The following PTCH1 variants were observed in gnomAD, a reference collection of about 807,000 sequenced individuals.
PTCH1 encodes the protein patched 1, also known as protein patched homolog 1.
A neutral mutation model predicts 144.6 loss-of-function variants in PTCH1; 14 were observed. That is an observed-to-expected ratio of 0.10 (90% CI 0.06 to 0.15). PTCH1 has a LOEUF of 0.15. Among genes scored for constraint, PTCH1 ranks in the 10% least tolerant of loss-of-function variants. The pLI is 1.00. For synonymous variants in PTCH1, 833 were observed against 793.6 expected (o/e 1.05, Z -0.83); for missense variants, 1,623 against 1,948.3 (o/e 0.83, Z 3.14).
chr9:95,463,057 C>T (rs1170184344), intron 15 of PTCH1, among the ~76,000 whole-genome samples: 1 of 151,294 alleles, frequency 6.6e-6, no homozygotes, highest in Non-Finnish European at 1.5e-5. Context: ...CCCAGCAGCT[C>T]AGGAAACCAC....
rs1434365334 is a variant in PTCH1 at position 95,478,048 on chromosome 9, G to A, written c.1347+7C>T. The A allele has an allele frequency of 1.2e-6, 2 of 1,614,184 alleles. No homozygotes were observed. The highest frequency in any genetic ancestry group is 2.2e-5 in the South Asian group (2 of 91,082). ...CCAGCCCCCAGGAGCATGGCATCGA[G>A]CGTTACCATGAGTAAGTAGCCGCTG... is the stretch of plus-strand genomic sequence containing the variant. On this transcript the variant is annotated splice_region_variant and intron_variant, in intron 9 of 23. Coordinates refer to ENST00000331920, the MANE Select transcript of PTCH1 (RefSeq NM_000264.5).
intron 17 of PTCH1, among the ~76,000 whole-genome samples, chr9:95,459,069 C>T (rs1839222627): frequency 6.6e-6 from 1 of 152,074 alleles, no homozygotes; most frequent in South Asian, 2.1e-4. Context: ...AAATGAAATC[C>T]ACACAGAACC....
rs863224345 is a variant in PTCH1, at chr9:95,478,154, A to G, written c.1248T>C (p.Thr416=). ...VVHQSVAQNS[T]QKVLSFTTTT... ...TGGTGGTGAAGGAAAGCACCTTTTG[A>G]GTGGAGTTCTGTGCGACACTCTGAT... Residue 416 remains threonine (T), a synonymous_variant, in exon 9 of 24, where the codon ACT becomes ACC. Transcript: ENST00000331920. 1 of 1,614,174 alleles carries G rather than the reference A, an allele frequency of 6.2e-7. No individual in the cohort carries two copies. Among genetic ancestry groups the G allele is most frequent in the Non-Finnish European group, 8.5e-7 (1 of 1,180,034 alleles).
At position 95,507,167 on chromosome 9, in the gene PTCH1, C is replaced by T. The variant is rs113810751; in HGVS notation, c.202-568G>A. The stretch of plus-strand genomic sequence containing the variant: ...CCGGAGTTCACTCCCGACGCATTTC[C>T]ATAGCGTGGGGAGAGGCTGTGTGAG... On this transcript the variant is annotated intron_variant, in intron 1 of 23. Coordinates refer to ENST00000331920, the MANE Select transcript of PTCH1 (RefSeq NM_000264.5). 3,656 of 985,524 alleles carry T rather than the reference C, an allele frequency of 3.7e-3. 8 individuals carry two copies. The highest frequency in any genetic ancestry group is 0.019 in the Middle Eastern group (36 of 1,918). 61.0% of individuals were successfully genotyped at this position (985,524 alleles called of 1,614,324 possible). A position where few individuals can be genotyped will look rare whatever the true frequency, so the allele number is the denominator to read the frequency against.
chr9:95,511,023 T>G (rs145965565), upstream of PTCH1, among the ~76,000 whole-genome samples: 10,318 of 149,612 alleles, frequency 0.069, 457 homozygotes, highest in Non-Finnish European at 0.097. Flanking sequence ...CGTAGTACAT[T>G]CCTGAAGGCG....
chr9:95,494,256 G>A (rs1194541077), intron 2 of PTCH1: 5 of 985,524 alleles, frequency 5.1e-6, no homozygotes, highest in Middle Eastern at 1.0e-3. Context: ...TTTCCCTGAC[G>A]CAGACCTGCT....
At chr9:95,514,329 C>T (rs761112410) in intron 1 of PTCH1, 15 of 152,238 alleles carry the variant, frequency 9.9e-5, no homozygotes, top group Non-Finnish European at 1.9e-4. Flanking sequence ...CTCGCCTCTC[C>T]CTGTCTAATA....
In PTCH1 at chr9:95,449,025, C is replaced by T. The variant is rs757234368; in HGVS notation, c.3804+44G>A. On this transcript the variant is annotated intron_variant, in intron 22 of 23. Transcript: ENST00000331920. The surrounding 1 kb of genome is among the most constrained non-coding windows in gnomAD (Gnocchi z 5.3). ...CCCGCTGGACCTCCAGGCCCACTAC[C>T]ACGGTGGGAAGACCCCTCCCCCTGG... The T allele has an allele frequency of 3.1e-6, 5 of 1,611,558 alleles. No individual in the cohort carries two copies. The East Asian group carries it at 8.9e-5, about 29-fold the overall frequency.
At chr9:95,446,644 G>A (rs1443336534) in intron 23 of PTCH1, 2 of 578,172 alleles carry the variant, frequency 3.5e-6, no homozygotes, top group Non-Finnish European at 3.1e-6. Context: ...GGTAAAAGGT[G>A]GTGCTGTTTG....
chr9:95,474,574 TG>T (rs1439641515), intron 12 of PTCH1, among the ~76,000 whole-genome samples: 1 of 152,210 alleles, frequency 6.6e-6, no homozygotes, highest in Non-Finnish European at 1.5e-5. Context: ...ATGTTTCTTT[TG>T]GGGCTGGCGG....
chr9:95,444,132 C>A lies in PTCH1; in HGVS notation c.*2261G>T. ...TTTTTTTTTTTAAAAATTAAAACAT[C>A]CAAATGAACAAACAGGACAGACAAA... On this transcript the variant is annotated 3_prime_UTR_variant, in exon 24 of 24. Transcript: ENST00000331920. 1 of 150,640 alleles carries A rather than the reference C, an allele frequency of 6.6e-6. No homozygotes were observed. The highest frequency in any genetic ancestry group is 6.6e-5 in the Admixed American group (1 of 15,070). 9.3% of individuals were successfully genotyped at this position (150,640 alleles called of 1,614,324 possible). A position where few individuals can be genotyped will look rare whatever the true frequency, so the allele number is the denominator to read the frequency against.
In PTCH1 at chr9:95,478,196, C is replaced by T. The variant is rs587780691; in HGVS notation, c.1216-10G>A. On this transcript the variant is annotated splice_polypyrimidine_tract_variant and intron_variant, in intron 8 of 23. Transcript: ENST00000331920. ...CACTCTGATGAACCACCTGTGGTCA[C>T]AACAGAATGCGAAATGCCCAAATGC... 6.8e-6 allele frequency: 11 copies of T among 1,614,060 alleles called. No homozygotes were observed. Among genetic ancestry groups the T allele is most frequent in the African/African-American group, 4.0e-5 (3 of 74,932 alleles).
chr9:95,449,077 G>A lies in PTCH1; in HGVS notation c.3796C>T (p.His1266Tyr), dbSNP rs751826546. 1.9e-6 allele frequency: 3 copies of A among 1,614,224 alleles called. No individual in the cohort carries two copies. In the South Asian group the frequency reaches 3.3e-5, roughly 18 times the overall value. The change falls in exon 22 of 24, where the codon CAC becomes TAC. Residue 1266 changes from histidine to tyrosine, a missense_variant. Physicochemically the swap from His to Tyr is moderately conservative, Grantham distance 83. Around this residue, in one of 7 missense-constraint regions of PTCH1, gnomAD observed 291 missense variants for 287.4 expected, o/e 1.01. Coordinates refer to ENST00000331920, the MANE Select transcript of PTCH1 (RefSeq NM_000264.5). The surrounding 1 kb of genome is among the most constrained non-coding windows in gnomAD (Gnocchi z 5.3). ...TCTGCAGAGTCACTTACAGTGGAGTGGGCGAAGACGGGGTTTTCTGTGGCT... is the reference window on the plus strand; with the variant it reads ...TCTGCAGAGTCACTTACAGTGGAGTAGGCGAAGACGGGGTTTTCTGTGGCT... ...VEATENPVFA[H>Y]STVVHPESRH...
chr9:95,476,783 T>C lies in PTCH1; in HGVS notation c.1578A>G (p.Gly526=). ...FLLAHAFSET[G]QNKRIPFEDR... is the part of the protein sequence containing the mutation. ...CCTCAAAAGGGATTCTTTTATTCTG[T>C]CCTGTTTCACTGAAGGCGTGGGCCA... Residue 526 remains glycine, a synonymous_variant, in exon 11 of 24, where the codon GGA becomes GGG. Transcript: ENST00000331920. The surrounding 1 kb of genome is among the most constrained non-coding windows in gnomAD (Gnocchi z 4.6). The C allele has an allele frequency of 6.2e-7, 1 of 1,614,064 alleles. No homozygotes were observed.
intron 3 of PTCH1, chr9:95,483,410 G>GAAAAA (rs113335239): frequency 1.8e-5 from 2 of 109,832 alleles, no homozygotes; most frequent in East Asian, 2.6e-4. Flanking sequence ...CCAAGGGAAG[G>GAAAAA]AAAAAAAAAA....
chr9:95,493,043 A>G (rs890633771), intron 2 of PTCH1, among the ~76,000 whole-genome samples: 1 of 152,180 alleles, frequency 6.6e-6, no homozygotes, highest in Non-Finnish European at 1.5e-5. Context: ...TAAGTTTTTG[A>G]TCAAGCTCTG....
rs745337014 is a variant in PTCH1 at position 95,447,127 on chromosome 9, C to A, written c.4129G>T (p.Val1377Leu). 6.2e-7 allele frequency: 1 copy of A among 1,613,226 alleles called. No individual in the cohort carries two copies. Among genetic ancestry groups the A allele is most frequent in the Non-Finnish European group, 8.5e-7 (1 of 1,179,918 alleles). Residue 1377 changes from valine (V) to leucine (L), a missense_variant, in exon 23 of 24, where the codon GTG (valine) becomes TTG (leucine). Val to Leu is a conservative substitution (Grantham distance 32, BLOSUM62 1). Transcript: ENST00000331920. ...GGCGGCGGGTGCACGGCGACAGTCA[C>A]GGAGGCAGAAGCCGTCACAGTGGTG... The part of the protein sequence containing the change: ...PITTVTASAS[V>L]TVAVHPPPVP...
chr9:95,468,839 T>C lies in PTCH1; in HGVS notation c.2162A>G (p.His721Arg). The C allele has an allele frequency of 6.2e-7, 1 of 1,614,060 alleles. No homozygotes were observed. The highest frequency in any genetic ancestry group is 8.5e-7 in the Non-Finnish European group (1 of 1,179,992). ...CTTCGTACAGGGGGGCTCGAGGCAG[T>C]GGAGGCTGGAGTCGGAGAACTGGGA... Reference protein sequence around the residue: ...LLSQFSDSSLHCLEPPCTKWT... With the variant: ...LLSQFSDSSLRCLEPPCTKWT... Residue 721 changes from histidine (H) to arginine (R), a missense_variant, in exon 14 of 24, where the codon CAC (histidine) becomes CGC (arginine). This residue lies in a region of PTCH1 where 179 missense variants were observed against 165.7 expected (regional missense o/e 1.08). Transcript: ENST00000331920.
chr9:95,490,548 C>A (rs1451706675), intron 2 of PTCH1, among the ~76,000 whole-genome samples: 1 of 149,918 alleles, frequency 6.7e-6, no homozygotes, highest in Non-Finnish European at 1.5e-5. Context: ...CACACACACA[C>A]ACACACACAA....
Sources: gnomAD v4.1 joint callset for allele counts (sites outside exome capture counted in the v4.1 genomes callset) on GRCh38, gnomAD v4.1.1 for gene constraint, gnomAD v4.1.1 regional missense constraint, Gnocchi (gnomAD v3.1) non-coding constraint, MANE v1.5 for transcripts, NCBI Gene and HGNC (gene_info 2026-07-23, HGNC 2026-07-21) for gene names.